The following CHSY3 variants were observed in gnomAD, a reference collection of about 807,000 sequenced individuals.
CHSY3 encodes N-acetylgalactosaminyl-proteoglycan 3-beta-glucuronosyltransferase 3.
A neutral mutation model predicts 67.2 loss-of-function variants in CHSY3; 35 were observed. The ratio of observed to expected loss-of-function variants is 0.52; its 90% confidence interval spans 0.40 to 0.69. The LOEUF is 0.69. CHSY3 is among the 30% of genes least tolerant of loss of function. The probability of loss-of-function intolerance (pLI) is 0.00; values close to 1 mark genes in which losing one functional copy is unlikely to be tolerated. For missense variants in CHSY3, 1,069 were observed against 1,138.5 expected (o/e 0.94, Z 0.88); for synonymous variants, 474 against 434.7 (o/e 1.09, Z -1.12).
intron 2 of CHSY3, among the ~76,000 whole-genome samples, chr5:130,077,797 G>GTGTATATA (rs934129345): frequency 6.6e-6 from 1 of 150,624 alleles, no homozygotes; most frequent in Non-Finnish European, 1.5e-5. Context: ...ATATATATGT[G>GTGTATATA]TGTATATATA....
intron 2 of CHSY3, among the ~76,000 whole-genome samples, chr5:129,922,790 C>G (rs1760968905): frequency 1.3e-5 from 2 of 152,066 alleles, no homozygotes; most frequent in East Asian, 3.9e-4. Context: ...TAGGTTGTTT[C>G]TTTACACTGT....
At chr5:129,966,885 C>A (rs984770756) in intron 2 of CHSY3, among the ~76,000 whole-genome samples, 1 of 151,686 alleles carries the variant, frequency 6.6e-6, no homozygotes, top group Non-Finnish European at 1.5e-5. Context: ...TCAAGTTGTC[C>A]CTCCTACAGT....
At chr5:129,938,168 G>A (rs1305804890) in intron 2 of CHSY3, among the ~76,000 whole-genome samples, 2 of 152,198 alleles carry the variant, frequency 1.3e-5, no homozygotes, top group African/African-American at 4.8e-5. Flanking sequence ...CAAGCTGTAC[G>A]TTGGTCCCTT....
At chr5:129,931,065 T>A (rs1156337266) in intron 2 of CHSY3, among the ~76,000 whole-genome samples, 1 of 144,396 alleles carries the variant, frequency 6.9e-6, no homozygotes, top group Non-Finnish European at 1.5e-5. Context: ...CTAACTGAAT[T>A]TTTTTTTTGT....
chr5:130,055,391 A>G (rs1765498237), intron 2 of CHSY3, among the ~76,000 whole-genome samples: 1 of 150,860 alleles, frequency 6.6e-6, no homozygotes, highest in African/African-American at 2.4e-5. Context: ...TACAATAAGT[A>G]AATACATCCA....
intron 2 of CHSY3, among the ~76,000 whole-genome samples, chr5:130,137,141 A>G (rs1768690118): frequency 6.6e-6 from 1 of 152,198 alleles, no homozygotes; most frequent in Non-Finnish European, 1.5e-5. Context: ...TAAAAATGAG[A>G]CATAATAGGG....
At chr5:130,084,321 C>A (rs1034843162) in intron 2 of CHSY3, among the ~76,000 whole-genome samples, 2 of 151,924 alleles carry the variant, frequency 1.3e-5, no homozygotes, top group Non-Finnish European at 1.5e-5. Flanking sequence ...TTTAAATTTT[C>A]TCACCACAAA....
chr5:130,057,090 A>AT (rs1765559294), intron 2 of CHSY3, among the ~76,000 whole-genome samples: 1 of 150,938 alleles, frequency 6.6e-6, no homozygotes, highest in East Asian at 2.0e-4. Context: ...CTCCCAGCTA[A>AT]TTTTTTTGTA....
chr5:130,139,304 G>A (rs1174415388), intron 2 of CHSY3, among the ~76,000 whole-genome samples: 1 of 152,130 alleles, frequency 6.6e-6, no homozygotes, highest in African/African-American at 2.4e-5. Flanking sequence ...AGACACATTG[G>A]AATGAACCTT....
intron 2 of CHSY3, among the ~76,000 whole-genome samples, chr5:130,146,767 A>G (rs962967781): frequency 2.0e-5 from 3 of 148,660 alleles, no homozygotes; most frequent in Non-Finnish European, 4.4e-5. Flanking sequence ...AAAAAAAAGC[A>G]TTTTCATTTG....
intron 2 of CHSY3, among the ~76,000 whole-genome samples, chr5:130,093,089 A>G (rs1766934106): frequency 6.6e-6 from 1 of 152,198 alleles, no homozygotes. Context: ...GGTTTATTCA[A>G]AAAATTATAA....
chr5:130,110,244 A>C (rs997183904), intron 2 of CHSY3, among the ~76,000 whole-genome samples: 5 of 151,782 alleles, frequency 3.3e-5, no homozygotes, highest in Admixed American at 3.3e-4. Flanking sequence ...GTTTTTTCTC[A>C]TTTAATTTCC....
intron 2 of CHSY3, among the ~76,000 whole-genome samples, chr5:130,056,943 T>G (rs1765551663): frequency 1.4e-5 from 1 of 73,974 alleles, no homozygotes; most frequent in African/African-American, 5.2e-5. Context: ...TTTTTTTTTT[T>G]GACAGAGTCT....
intron 2 of CHSY3, among the ~76,000 whole-genome samples, chr5:129,969,583 A>T (rs1762578523): frequency 6.6e-6 from 1 of 151,844 alleles, no homozygotes; most frequent in Non-Finnish European, 1.5e-5. Flanking sequence ...TCTTTTCATG[A>T]AGAATTTAAT....
At position 130,046,731 on chromosome 5, in the gene CHSY3, A is replaced by G. The variant is rs73243600; in HGVS notation, c.1087-137498A>G. On this transcript the variant is annotated intron_variant, in intron 2 of 2. Coordinates refer to ENST00000305031, the MANE Select transcript of CHSY3 (RefSeq NM_175856.5). ...ATAAATGCATATCTAAGCACCAATAAATAATTTTTACAGATACCTTGCATA... is the reference window on the plus strand; with the variant it reads ...ATAAATGCATATCTAAGCACCAATAGATAATTTTTACAGATACCTTGCATA... Among the ~76,000 whole-genome samples the G allele has an allele frequency of 9.3e-3, 1,415 of 152,198 alleles. 22 individuals are homozygous for G. Among genetic ancestry groups the G allele is most frequent in the African/African-American group, 0.032 (1,348 of 41,548 alleles).
intron 2 of CHSY3, among the ~76,000 whole-genome samples, chr5:130,046,321 T>C (rs1765146956): frequency 6.6e-6 from 1 of 152,142 alleles, no homozygotes; most frequent in Non-Finnish European, 1.5e-5. Flanking sequence ...TATACTATTC[T>C]TTTAGTATAC....
chr5:130,149,069 G>A lies in CHSY3; in HGVS notation c.1087-35160G>A, dbSNP rs367989162. Among the ~76,000 whole-genome samples, 11 of 152,238 alleles carry A rather than the reference G, an allele frequency of 7.2e-5. No individual in the cohort carries two copies. The East Asian group carries it at 1.7e-3, about 24-fold the overall frequency. ...TTTAATCCATCTTGAGTTGATTTGT[G>A]TATATGTTGTAAGGAAGTGGTCCAG... On this transcript the variant is annotated intron_variant, in intron 2 of 2. Transcript: ENST00000305031.
intron 2 of CHSY3, 30 bp downstream of exon 2, chr5:129,908,390 A>G (rs756292464): frequency 8.7e-6 from 14 of 1,609,374 alleles, no homozygotes; most frequent in Non-Finnish European, 1.2e-5. Context: ...GAAAATGTTC[A>G]CATAGTACAT....
chr5:130,080,083 T>C (rs1046418067), intron 2 of CHSY3, among the ~76,000 whole-genome samples: 26 of 146,892 alleles, frequency 1.8e-4, no homozygotes, highest in African/African-American at 6.5e-4. Context: ...AAAACACACA[T>C]ACATACATAC....
Sources: gnomAD v4.1 joint callset for allele counts (sites outside exome capture counted in the v4.1 genomes callset) on GRCh38, gnomAD v4.1.1 for gene constraint, MANE v1.5 for transcripts, NCBI Gene and HGNC (gene_info 2026-07-23, HGNC 2026-07-21) for gene names.